The following HSPBAP1 variants were observed in gnomAD, a reference collection of about 807,000 sequenced individuals.
The protein encoded by HSPBAP1 is HSPB1 associated protein 1, also known as HSPB1-associated protein 1.
Under a neutral mutation model 45.2 loss-of-function variants are expected in HSPBAP1, and 27 were observed. The ratio of observed to expected loss-of-function variants is 0.60; its 90% CI spans 0.44 to 0.82. The LOEUF (loss-of-function observed/expected upper bound fraction) is 0.82. Among genes scored for constraint, HSPBAP1 ranks in the 40% least tolerant of loss-of-function variants. The pLI, the probability that HSPBAP1 is intolerant of heterozygous loss-of-function variation, is 0.00. For missense variants in HSPBAP1, 510 were observed against 590.9 expected (o/e 0.86, Z 1.42); for synonymous variants, 204 against 202.7 (o/e 1.01, Z -0.06).
intron 6 of HSPBAP1, among the ~76,000 whole-genome samples, chr3:122,749,512 C>T (rs2107502270): frequency 6.6e-6 from 1 of 152,176 alleles, no homozygotes; most frequent in Admixed American, 6.5e-5. Flanking sequence ...TAGATACAGT[C>T]TAATAATAAA....
At chr3:122,745,831 TGGTAAG>T (rs752787926) in intron 6 of HSPBAP1, among the ~76,000 whole-genome samples, 5 of 152,192 alleles carry the variant, frequency 3.3e-5, no homozygotes, top group African/African-American at 4.8e-5. Context: ...CTAAGGTCTA[TGGTAAG>T]AAGAAATCTT....
chr3:122,778,340 C>T (rs71330910), intron 1 of HSPBAP1, among the ~76,000 whole-genome samples: 14,086 of 150,398 alleles, frequency 0.094, 718 homozygotes, highest in East Asian at 0.13. Flanking sequence ...ACATTAAATA[C>T]AATTTGGAAA....
At chr3:122,793,230 C>G (rs932460289) in intron 1 of HSPBAP1, among the ~76,000 whole-genome samples, 1 of 152,164 alleles carries the variant, frequency 6.6e-6, no homozygotes, top group Non-Finnish European at 1.5e-5. Context: ...AGAATAAAAG[C>G]GCATAATCCC....
intron 6 of HSPBAP1, among the ~76,000 whole-genome samples, chr3:122,746,744 A>T (rs1210840780): frequency 1.3e-5 from 2 of 150,978 alleles, no homozygotes; most frequent in East Asian, 3.9e-4. Context: ...GCTCACTGCA[A>T]CCTCCCTGCC....
At chr3:122,752,759 G>GA in intron 5 of HSPBAP1, 85 bp from the exon 6 acceptor site, 3 of 1,409,662 alleles carry the variant, frequency 2.1e-6, no homozygotes, top group South Asian at 1.5e-5. Flanking sequence ...AGGCTGCTAG[G>GA]AAAAAAAGGA....
At chr3:122,752,455 G>C (rs925743444) in intron 6 of HSPBAP1, 136 bp downstream of exon 6, 2 of 580,950 alleles carry the variant, frequency 3.4e-6, no homozygotes, top group Non-Finnish European at 6.1e-6. Flanking sequence ...ATACGTTATA[G>C]TGCACTGCAA....
rs965587857 is a variant in HSPBAP1, at chr3:122,793,563, G to C, written c.64+54C>G. ...AACGGCCCCACGAGGGGTGCCACGA[G>C]AGTCAACTGGCATTGGGTTTGTACT... On this transcript the variant is annotated intron_variant, in intron 1 of 7. Transcript: ENST00000306103. The C allele has an allele frequency of 6.5e-6, 10 of 1,542,006 alleles. No individual in the cohort carries two copies. In the Admixed American group the frequency reaches 1.3e-4, roughly 21 times the overall value.
At chr3:122,766,643 G>A (rs1934790658) in intron 3 of HSPBAP1, among the ~76,000 whole-genome samples, 1 of 152,176 alleles carries the variant, frequency 6.6e-6, no homozygotes, top group African/African-American at 2.4e-5. Flanking sequence ...ACTCATCCAA[G>A]GCAGAGTGAG....
chr3:122,775,779 G>C, intron 2 of HSPBAP1, among the ~76,000 whole-genome samples: 1 of 152,138 alleles, frequency 6.6e-6, no homozygotes. Flanking sequence ...TCTACTCCAA[G>C]AGAAATGAAA....
At chr3:122,788,547 C>A (rs1360601854) in intron 1 of HSPBAP1, among the ~76,000 whole-genome samples, 2 of 152,204 alleles carry the variant, frequency 1.3e-5, no homozygotes, top group Non-Finnish European at 2.9e-5. Context: ...GTGGAAGCAA[C>A]TCAAAGGTCT....
chr3:122,763,052 C>A (rs923780900), intron 3 of HSPBAP1, among the ~76,000 whole-genome samples: 2 of 152,218 alleles, frequency 1.3e-5, no homozygotes, highest in African/African-American at 4.8e-5. Flanking sequence ...GGTTCATACA[C>A]ATCTGGGATT....
chr3:122,780,867 C>T (rs865953326), intron 1 of HSPBAP1, among the ~76,000 whole-genome samples: 24,560 of 79,048 alleles, frequency 0.31, 2,409 homozygotes, highest in Non-Finnish European at 0.4. Flanking sequence ...CGCTCCTCAC[C>T]TCCCAGACGG....
chr3:122,780,806 T>C (rs1270964020), intron 1 of HSPBAP1, among the ~76,000 whole-genome samples: 1 of 123,100 alleles, frequency 8.1e-6, no homozygotes, highest in Non-Finnish European at 1.7e-5. Context: ...GACGGGGCGG[T>C]TGCCAGGCAG....
intron 3 of HSPBAP1, among the ~76,000 whole-genome samples, 191 bp downstream of exon 3, chr3:122,768,510 T>TGC (rs1411202732): frequency 1.3e-5 from 2 of 152,236 alleles, no homozygotes; most frequent in Admixed American, 1.3e-4. Context: ...CAAGGAAGCC[T>TGC]GCTCATCTGT....
chr3:122,770,692 T>C (rs1934965107), intron 2 of HSPBAP1, among the ~76,000 whole-genome samples: 1 of 151,898 alleles, frequency 6.6e-6, no homozygotes, highest in Non-Finnish European at 1.5e-5. Context: ...CACAGTGAGA[T>C]CCTGTCTCAA....
At position 122,790,294 on chromosome 3, in the gene HSPBAP1, C is replaced by T. The variant is rs561261458; in HGVS notation, c.64+3323G>A. Among the ~76,000 whole-genome samples, 38 of 152,328 alleles carry T rather than the reference C, an allele frequency of 2.5e-4. 1 individual carries two copies. The South Asian group carries it at 7.7e-3, about 31-fold the overall frequency. ...CTTCAGCATTTCTGTTTTCACCCTG[C>T]TCTTCTCTGGATTCAATGGATACAA... On this transcript the variant is annotated intron_variant, in intron 1 of 7. Transcript: ENST00000306103.
Position 122,740,776 on chromosome 3 carries a change from C to G in HSPBAP1, c.1036G>C (p.Ala346Pro), listed in dbSNP as rs1008871210. 6.2e-7 allele frequency: 1 copy of G among 1,614,064 alleles called. No individual in the cohort carries two copies. Among genetic ancestry groups the G allele is most frequent in the Non-Finnish European group, 8.5e-7 (1 of 1,180,036 alleles). Residue 346 changes from alanine (A) to proline (P), a missense_variant, in exon 8 of 8, where the codon GCA (alanine) becomes CCA (proline). Transcript: ENST00000306103. ...ATGTGCTCTCCATCTGTTCTCAGTG[C>G]TTGGATTTCTACTACCTCAGATGTT... ...CRTSEVVEIQ[A>P]LRTDGEHMKK... is the part of the protein sequence containing the mutation.
chr3:122,776,041 T>C (rs1021911459), intron 2 of HSPBAP1, among the ~76,000 whole-genome samples: 1 of 152,230 alleles, frequency 6.6e-6, no homozygotes, highest in East Asian at 1.9e-4. Context: ...ATTCCACTTA[T>C]ATGATATATT....
intron 3 of HSPBAP1, among the ~76,000 whole-genome samples, chr3:122,763,509 C>T (rs561635822): frequency 2.6e-5 from 4 of 152,002 alleles, no homozygotes; most frequent in Admixed American, 6.5e-5. Context: ...CCCACTGTCT[C>T]GACACTAGCA....
Sources: gnomAD v4.1 joint callset for allele counts (sites outside exome capture counted in the v4.1 genomes callset) on GRCh38, gnomAD v4.1.1 for gene constraint, MANE v1.5 for transcripts, NCBI Gene and HGNC (gene_info 2026-07-23, HGNC 2026-07-21) for gene names.